SLC25A30: variants seen among roughly 807,000 people sequenced by gnomAD.
SLC25A30 encodes the protein solute carrier family 25 member 30.
A neutral mutation model predicts 42.7 loss-of-function variants in SLC25A30; 29 were observed. The observed-to-expected ratio is 0.68, with a 90% confidence interval of 0.51 to 0.93. The LOEUF is 0.93. Among genes scored for constraint, SLC25A30 ranks in the 40% least tolerant of loss-of-function variants. SLC25A30 has a pLI of 0.00. For synonymous variants in SLC25A30, 124 were observed against 131.0 expected, an observed-to-expected ratio of 0.95 and a Z score of 0.37; for missense variants, 300 against 359.7, an observed-to-expected ratio of 0.83 and a Z score of 1.34.
At chr13:45,424,536 AATATATAAATATATAAAT>A in the SLC25A30 span, among the ~76,000 whole-genome samples, 1 of 40,666 alleles carries the variant, frequency 2.5e-5, no homozygotes, top group South Asian at 5.9e-4. Flanking sequence ...AATATATATA[AATATATAAATATATAAAT>A]ATATATAAAT....
rs188942566 is a variant in SLC25A30 at position 45,408,104 on chromosome 13, C to A, written c.212+823G>T. The stretch of plus-strand genomic sequence containing the variant: ...TGGCTTCTGTCTGCCATAGATATAG[C>A]AAACTCAAATGCTGACAGGTACCAA... On this transcript the variant is annotated intron_variant, in intron 3 of 9. Coordinates refer to ENST00000519676, the MANE Select transcript of SLC25A30 (RefSeq NM_001010875.4). 5.9e-4 allele frequency among the ~76,000 whole-genome samples: 90 copies of A among 152,224 alleles called. 2 individuals carry two copies. Among genetic ancestry groups the A allele is most frequent in the African/African-American group, 2.0e-3 (85 of 41,538 alleles).
chr13:45,409,023 G>A lies in SLC25A30; in HGVS notation c.116C>T (p.Thr39Met), dbSNP rs368357937. The A allele has an allele frequency of 3.3e-5, 54 of 1,612,728 alleles. No individual in the cohort carries two copies. Among genetic ancestry groups the A allele is most frequent in the African/African-American group, 2.5e-4 (19 of 74,828 alleles). Residue 39 changes from threonine to methionine, a missense_variant, in exon 3 of 10, where the codon ACG becomes ATG. Thr to Met is a moderately conservative substitution (Grantham distance 81). Coordinates refer to ENST00000519676, the MANE Select transcript of SLC25A30 (RefSeq NM_001010875.4). The part of the protein sequence containing the change: ...TKTRLQIQGQ[T>M]NDAKFKEIRY... ...AATTTCCTTAAATTTTGCATCATTCGTCTGGCCTTGAATCTGGAGCCGTGT... is the reference window on the plus strand; with the variant it reads ...AATTTCCTTAAATTTTGCATCATTCATCTGGCCTTGAATCTGGAGCCGTGT...
At chr13:45,425,114 ATT>A in the SLC25A30 span, among the ~76,000 whole-genome samples, 1 of 78,688 alleles carries the variant, frequency 1.3e-5, no homozygotes, top group Non-Finnish European at 2.2e-5. Flanking sequence ...ATATAAATAT[ATT>A]TATAAATATA....
At position 45,409,049 on chromosome 13, in the gene SLC25A30, C is replaced by T. The variant is rs1882776558; in HGVS notation, c.90G>A (p.Lys30=). The T allele has an allele frequency of 1.2e-6, 2 of 1,608,808 alleles. No homozygotes were observed. The highest frequency in any genetic ancestry group is 1.3e-5 in the African/African-American group (1 of 74,614). The change falls in exon 3 of 10, where the codon AAG becomes AAA. Residue 30 remains lysine, a synonymous_variant. Coordinates refer to ENST00000519676, the MANE Select transcript of SLC25A30 (RefSeq NM_001010875.4). ...ECGTFPIDLT[K]TRLQIQGQTN... The stretch of plus-strand genomic sequence containing the variant: ...TCTGGCCTTGAATCTGGAGCCGTGT[C>T]TTGGTTAAATCAATTGGAAATGTAC...
At chr13:45,424,811 A>ATATATACATAT in the SLC25A30 span, among the ~76,000 whole-genome samples, 173 of 54,370 alleles carry the variant, frequency 3.2e-3, 5 homozygotes, top group African/African-American at 0.013. Flanking sequence ...TATATAAAAA[A>ATATATACATAT]ATATAAATAT....
chr13:45,405,289 A>G (rs1882393968), intron 4 of SLC25A30, among the ~76,000 whole-genome samples: 1 of 152,238 alleles, frequency 6.6e-6, no homozygotes, highest in Admixed American at 6.5e-5. Flanking sequence ...TGTTAGGACA[A>G]TAATTCCTAT....
At chr13:45,423,787 T>TATATAAATATATAAAA in the SLC25A30 span, among the ~76,000 whole-genome samples, 1 of 54,278 alleles carries the variant, frequency 1.8e-5, no homozygotes, top group Non-Finnish European at 3.3e-5. Context: ...AATATATAAA[T>TATATAAATATATAAAA]ATATAAATAT....
chr13:45,414,472 C>A (rs1883320309), intron 1 of SLC25A30, among the ~76,000 whole-genome samples: 1 of 152,084 alleles, frequency 6.6e-6, no homozygotes, highest in Non-Finnish European at 1.5e-5. Flanking sequence ...CAAAACTCAG[C>A]CAGGCATGGT....
intron 7 of SLC25A30, 45 bp downstream of exon 7, chr13:45,401,038 T>G (rs56133374): frequency 4.0e-5 from 60 of 1,496,646 alleles, no homozygotes; most frequent in Admixed American, 6.1e-5. Flanking sequence ...ATAATAAACT[T>G]TCTTTAGAAT....
the SLC25A30 span, among the ~76,000 whole-genome samples, chr13:45,426,308 A>C: frequency 6.6e-6 from 1 of 150,970 alleles, no homozygotes; most frequent in Non-Finnish European, 1.5e-5. Flanking sequence ...GATGGTCTCA[A>C]TCTCTTGACC....
the SLC25A30 span, among the ~76,000 whole-genome samples, chr13:45,425,541 T>TATATAA: frequency 3.4e-5 from 2 of 58,650 alleles, no homozygotes; most frequent in Non-Finnish European, 6.6e-5. Flanking sequence ...TGTATAAGTA[T>TATATAA]ATATATATAA....
chr13:45,425,166 A>G, the SLC25A30 span, among the ~76,000 whole-genome samples: 1 of 98,416 alleles, frequency 1.0e-5, no homozygotes, highest in Admixed American at 1.7e-4. Flanking sequence ...ATAAATATAT[A>G]TAAGTATATA....
chr13:45,424,850 A>T, the SLC25A30 span, among the ~76,000 whole-genome samples: 7 of 45,104 alleles, frequency 1.6e-4, 1 homozygote, highest in African/African-American at 6.9e-4. Flanking sequence ...AAATATATAT[A>T]AATATATATA....
the SLC25A30 span, among the ~76,000 whole-genome samples, chr13:45,424,541 A>G: frequency 1.8e-5 from 1 of 56,292 alleles, no homozygotes; most frequent in Non-Finnish European, 3.4e-5. Flanking sequence ...ATATAAATAT[A>G]TAAATATATA....
At chr13:45,424,767 A>AAT in the SLC25A30 span, among the ~76,000 whole-genome samples, 18 of 61,048 alleles carry the variant, frequency 2.9e-4, 3 homozygotes, top group African/African-American at 3.8e-4. Flanking sequence ...TAAATATATA[A>AAT]ATATATATAT....
At chr13:45,400,566 G>A (rs1033737934) in intron 7 of SLC25A30, among the ~76,000 whole-genome samples, 1 of 152,120 alleles carries the variant, frequency 6.6e-6, no homozygotes, top group Non-Finnish European at 1.5e-5. Context: ...GCCCAGTCAA[G>A]GCTCACTGCA....
At chr13:45,433,225 G>A in the SLC25A30 span, among the ~76,000 whole-genome samples, 4 of 152,128 alleles carry the variant, frequency 2.6e-5, no homozygotes, top group Non-Finnish European at 5.9e-5. Flanking sequence ...ACCTCCAAGA[G>A]ATGAAATAAA....
At position 45,411,361 on chromosome 13, in the gene SLC25A30, C is replaced by G. The variant is rs777595874; in HGVS notation, c.64+1G>C. On this transcript the variant is annotated splice_donor_variant, in intron 2 of 9. Transcript: ENST00000519676. LOFTEE classifies it high-confidence loss of function. ...GTGATCCACCACCCTCAGGTCCTTA[C>G]CGCACTCAGCAGTGATGGAGGCCAG... The G allele has an allele frequency of 6.2e-7, 1 of 1,612,564 alleles. No individual in the cohort carries two copies. Among genetic ancestry groups the G allele is most frequent in the South Asian group, 1.1e-5 (1 of 91,056 alleles).
At chr13:45,409,643 T>C (rs1882833193) in intron 2 of SLC25A30, among the ~76,000 whole-genome samples, 2 of 152,018 alleles carry the variant, frequency 1.3e-5, no homozygotes, top group South Asian at 4.2e-4. Flanking sequence ...ACCCCGTCTC[T>C]ACTAAAAATA....
Sources: allele counts gnomAD v4.1 joint callset (sites outside exome capture counted in the v4.1 genomes callset), GRCh38; gene constraint gnomAD v4.1.1; transcripts MANE v1.5; gene names NCBI Gene and HGNC (gene_info 2026-07-23, HGNC 2026-07-21).